Variants in NDRG4 observed in about 807,000 individuals in gnomAD.
The protein encoded by NDRG4 is NDRG family member 4, also known as protein NDRG4.
NDRG4 carries 38 observed loss-of-function variants against 55.8 expected under a neutral mutation model. That is an observed-to-expected ratio of 0.68 (90% CI 0.53 to 0.89). NDRG4 has a LOEUF of 0.89. NDRG4 is among the 40% of genes least tolerant of loss of function. The pLI is 0.00. For synonymous variants in NDRG4, 190 were observed against 182.7 expected (o/e 1.04, Z -0.32); for missense variants, 455 against 468.6 (o/e 0.97, Z 0.27).
chr16:58,498,310 C>T (rs1179422443), upstream of NDRG4, among the ~76,000 whole-genome samples: 1 of 152,138 alleles, frequency 6.6e-6, no homozygotes, highest in South Asian at 2.1e-4. Context: ...ATTCTACTTC[C>T]TGCTGCCCTG....
In NDRG4 at chr16:58,512,117, C is replaced by T. The variant is rs1454353882; in HGVS notation, c.*541C>T. 4.4e-6 allele frequency: 2 copies of T among 456,510 alleles called. No homozygotes were observed. Among genetic ancestry groups the T allele is most frequent in the African/African-American group, 2.0e-5 (1 of 50,072 alleles). 28.3% of individuals were successfully genotyped at this position (456,510 alleles called of 1,614,324 possible). A position where few individuals can be genotyped will look rare whatever the true frequency, so the allele number is the denominator to read the frequency against. ...ACCAGGCAGCCACTTTCCTGGTGCTCTCTGGGCCCAGCTGGTGCTGTAGGG... is the reference window on the plus strand; with the variant it reads ...ACCAGGCAGCCACTTTCCTGGTGCTTTCTGGGCCCAGCTGGTGCTGTAGGG... On this transcript the variant is annotated 3_prime_UTR_variant, in exon 15 of 15. Transcript: ENST00000570248.
At chr16:58,497,782 G>A (rs2151752295), upstream of NDRG4, among the ~76,000 whole-genome samples, 1 of 152,272 alleles carries the variant, frequency 6.6e-6, no homozygotes, top group South Asian at 2.1e-4. Flanking sequence ...ACCAGAAAAA[G>A]GGCCAACAAT....
Position 58,464,523 on chromosome 16 carries a change from G to A in NDRG4, c.-24+726G>A, listed in dbSNP as rs962328853. ...CACTTTCCGAGTTGGAGCGGACTCC[G>A]GGCGCGGCGGCCGGGGACTGGGGCG... On this transcript the variant is annotated intron_variant, in intron 1 of 15. Transcript: ENST00000258187. This position sits in a 1 kb window ranked among gnomAD's most constrained non-coding sequence, Gnocchi z 4.8. The A allele has an allele frequency of 1.6e-6, 2 of 1,287,968 alleles. No individual in the cohort carries two copies. The highest frequency in any genetic ancestry group is 2.0e-6 in the Non-Finnish European group (2 of 1,013,912). 79.8% of individuals were successfully genotyped at this position (1,287,968 alleles called of 1,614,324 possible).
rs141355376 is a variant in NDRG4 at position 58,485,715 on chromosome 16, G to C, written c.-23-2041G>C. Among the ~76,000 whole-genome samples the C allele has an allele frequency of 7.9e-4, 120 of 152,266 alleles. 3 individuals are homozygous for C. The East Asian group carries it at 0.022, about 28-fold the overall frequency. ...ACAGCCCATCTGCATTGTGTTAGCT[G>C]GTTTCCTCGGAAACCACTGGGAGCC... On this transcript the variant is annotated intron_variant, in intron 1 of 15. Transcript: ENST00000258187.
chr16:58,490,290 A>G (rs2035627361), intron 2 of NDRG4, among the ~76,000 whole-genome samples: 1 of 152,176 alleles, frequency 6.6e-6, no homozygotes, highest in Admixed American at 6.5e-5. Flanking sequence ...GCCTGCTGGT[A>G]TGGAGTGTGC....
At chr16:58,473,704 A>C (rs1273549165) in intron 1 of NDRG4, among the ~76,000 whole-genome samples, 2 of 152,018 alleles carry the variant, frequency 1.3e-5, no homozygotes, top group Non-Finnish European at 2.9e-5. Flanking sequence ...GAAGCTGAGG[A>C]CTTCAGCCAC....
Position 58,464,420 on chromosome 16 carries a change from C to G in NDRG4, c.-24+623C>G, listed in dbSNP as rs1054030082. ...GCCGCCACCCAGAGCCGGGCCGCGCCGGGCGCCGAGATGAAGGTGCTGGGA... is the reference window on the plus strand; with the variant it reads ...GCCGCCACCCAGAGCCGGGCCGCGCGGGGCGCCGAGATGAAGGTGCTGGGA... On this transcript the variant is annotated intron_variant, in intron 1 of 15. Coordinates refer to the NDRG4 transcript ENST00000258187. This position sits in a 1 kb window ranked among gnomAD's most constrained non-coding sequence, Gnocchi z 4.8. The G allele has an allele frequency of 7.3e-7, 1 of 1,368,930 alleles. No homozygotes were observed. Among genetic ancestry groups the G allele is most frequent in the Non-Finnish European group, 9.4e-7 (1 of 1,064,022 alleles). The allele number at this position is 1,368,930 out of a possible 1,614,324, so 84.8% of individuals were successfully genotyped here.
rs527534618 is a variant in NDRG4 at position 58,512,963 on chromosome 16, C to G, written c.*1387C>G. ...GCGTATTTCCTCTACACACATCACCCCCCTTCTATAATCTTAAGCCATGAC... is the reference window on the plus strand; with the variant it reads ...GCGTATTTCCTCTACACACATCACCGCCCTTCTATAATCTTAAGCCATGAC... On this transcript the variant is annotated 3_prime_UTR_variant, in exon 15 of 15. Transcript: ENST00000570248. 6 of 152,744 alleles carry G rather than the reference C, an allele frequency of 3.9e-5. No homozygotes were observed. Among genetic ancestry groups the G allele is most frequent in the African/African-American group, 9.6e-5 (4 of 41,546 alleles). The allele number at this position is 152,744 out of a possible 1,614,324, so 9.5% of individuals were successfully genotyped here. A position where few individuals can be genotyped will look rare whatever the true frequency, so the allele number is the denominator to read the frequency against.
chr16:58,506,273 A>G (rs1377138988), intron 5 of NDRG4, 114 bp from the exon 6 acceptor site: 2 of 988,322 alleles, frequency 2.0e-6, no homozygotes, highest in African/African-American at 3.2e-5. Flanking sequence ...GTGCATGCAC[A>G]GACCCGGCTG....
At chr16:58,504,868 C>T (rs531636232) in intron 5 of NDRG4, 3 of 578,628 alleles carry the variant, frequency 5.2e-6, no homozygotes, top group Non-Finnish European at 9.1e-6. Context: ...ATAGTTTTCT[C>T]AAGAGACTAG....
At chr16:58,506,171 G>A (rs780986688) in intron 5 of NDRG4, 2 of 582,994 alleles carry the variant, frequency 3.4e-6, no homozygotes, top group East Asian at 6.7e-5. Flanking sequence ...TGTGTGTGTA[G>A]GGGTGGAAAC....
intron 1 of NDRG4, among the ~76,000 whole-genome samples, chr16:58,467,408 A>G (rs2031899301): frequency 6.6e-6 from 1 of 152,098 alleles, no homozygotes; most frequent in South Asian, 2.1e-4. Context: ...TTGGGAGGCT[A>G]AGGCAGGAGA....
At chr16:58,493,694 T>C (rs927921693) in intron 2 of NDRG4, among the ~76,000 whole-genome samples, 1 of 152,230 alleles carries the variant, frequency 6.6e-6, no homozygotes, top group African/African-American at 2.4e-5. Context: ...GCTCGGAGGC[T>C]GAGTGAGCTG....
chr16:58,484,277 G>A (rs1195158363), intron 1 of NDRG4, among the ~76,000 whole-genome samples: 2 of 152,114 alleles, frequency 1.3e-5, no homozygotes, highest in Non-Finnish European at 2.9e-5. Context: ...GGAGGATGAA[G>A]CAGGAGAATC....
chr16:58,500,992 G>C, intron 1 of NDRG4: 1 of 1,246,004 alleles, frequency 8.0e-7, no homozygotes, highest in Non-Finnish European at 1.0e-6. Context: ...TTGTAGGTGG[G>C]GGAAGGCAAC....
Position 58,512,676 on chromosome 16 carries a change from G to A in NDRG4, c.*1100G>A, listed in dbSNP as rs373870982. 2.3e-4 allele frequency: 35 copies of A among 154,882 alleles called. No individual in the cohort carries two copies. The highest frequency in any genetic ancestry group is 8.4e-4 in the African/African-American group (35 of 41,542). 9.6% of individuals were successfully genotyped at this position (154,882 alleles called of 1,614,324 possible). On this transcript the variant is annotated 3_prime_UTR_variant, in exon 15 of 15. Coordinates refer to ENST00000570248, the MANE Select transcript of NDRG4 (RefSeq NM_001242835.2). The stretch of plus-strand genomic sequence containing the variant: ...ACTGGGGGCTGAAGGTTCTGGACAT[G>A]AACAAGGGTCAGGTAGAAGAGAAAG...
intron 10 of NDRG4, 79 bp downstream of exon 10, chr16:58,508,078 T>C (rs1471967107): frequency 1.5e-5 from 20 of 1,364,646 alleles, no homozygotes; most frequent in Non-Finnish European, 2.0e-5. Context: ...GCAGGGACAA[T>C]TCTTGATCCA....
At chr16:58,472,296 G>A (rs934410123) in intron 1 of NDRG4, 15 of 152,374 alleles carry the variant, frequency 9.8e-5, no homozygotes, top group African/African-American at 3.4e-4. Context: ...CACAACCTAA[G>A]GTGAGCACCC....
At chr16:58,470,930 G>T (rs1470092779) in intron 1 of NDRG4, among the ~76,000 whole-genome samples, 2 of 143,432 alleles carry the variant, frequency 1.4e-5, no homozygotes, top group Non-Finnish European at 3.1e-5. Flanking sequence ...AAAAAAAAGA[G>T]GGAAGCAGGG....
Sources: allele counts gnomAD v4.1 joint callset (sites outside exome capture counted in the v4.1 genomes callset), GRCh38; gene constraint gnomAD v4.1.1; non-coding constraint Gnocchi (gnomAD v3.1); transcripts MANE v1.5; gene names NCBI Gene and HGNC (gene_info 2026-07-23, HGNC 2026-07-21).